VTI1A: variants seen among roughly 807,000 people sequenced by gnomAD.
VTI1A encodes vesicle transport through interaction with t-SNAREs homolog 1A.
In VTI1A, 22 loss-of-function variants were observed where a neutral mutation model predicts 34.9. The observed-to-expected ratio is 0.63, with a 90% CI of 0.45 to 0.90. The LOEUF is 0.90. VTI1A is among the 40% of genes least tolerant of loss of function. VTI1A has a pLI of 0.00. For synonymous variants in VTI1A, 87 were observed against 97.3 expected, an observed-to-expected ratio of 0.89 and a Z score of 0.62; for missense variants, 268 against 275.6, an observed-to-expected ratio of 0.97 and a Z score of 0.20.
chr10:112,688,940 A>T (rs749779980), intron 7 of VTI1A, among the ~76,000 whole-genome samples: 6 of 152,142 alleles, frequency 3.9e-5, no homozygotes, highest in Non-Finnish European at 7.3e-5. Flanking sequence ...AAAGCCCAGC[A>T]GTGTGTGGTT....
At chr10:112,577,354 A>G (rs1414539808) in intron 5 of VTI1A, among the ~76,000 whole-genome samples, 1 of 152,258 alleles carries the variant, frequency 6.6e-6, no homozygotes, top group African/African-American at 2.4e-5. Flanking sequence ...ACATATCCTT[A>G]TCCGCATGAG....
chr10:112,743,013 CGTGTGTGTGTGT>C (rs10612255), intron 7 of VTI1A, among the ~76,000 whole-genome samples: 4,230 of 141,974 alleles, frequency 0.03, 75 homozygotes, highest in Middle Eastern at 0.053. Flanking sequence ...GACCTATTCT[CGTGTGTGTGTGT>C]GTGTGTGTGT....
chr10:112,655,560 T>C (rs1463660380), intron 5 of VTI1A, among the ~76,000 whole-genome samples: 1 of 152,156 alleles, frequency 6.6e-6, no homozygotes, highest in Non-Finnish European at 1.5e-5. Context: ...TGTTTTTTAT[T>C]AGGAAGGGGA....
intron 6 of VTI1A, 111 bp from the exon 7 acceptor site, chr10:112,668,826 G>A (rs1847740747): frequency 8.6e-7 from 1 of 1,162,504 alleles, no homozygotes; most frequent in Non-Finnish European, 1.2e-6. Context: ...TTGTGTATTT[G>A]AACATTTTTA....
intron 1 of VTI1A, among the ~76,000 whole-genome samples, chr10:112,456,082 G>T (rs1320492074): frequency 3.9e-5 from 6 of 152,074 alleles, no homozygotes. Flanking sequence ...GACACGATTT[G>T]TCAAGAGTAG....
chr10:112,481,806 C>T lies in VTI1A; in HGVS notation c.264+17149C>T, dbSNP rs766058756. Among the ~76,000 whole-genome samples the T allele has an allele frequency of 1.4e-4, 21 of 152,082 alleles. 1 individual carries two copies. Among genetic ancestry groups the T allele is most frequent in the African/African-American group, 4.3e-4 (18 of 41,392 alleles). ...TCTGTATTTTCTCTTGGCAGTGAGC[C>T]GAGTGAATTTGGAACAGAAAGAAAG... On this transcript the variant is annotated intron_variant, in intron 3 of 7. Transcript: ENST00000393077.
At chr10:112,662,266 A>G (rs1847488844) in intron 5 of VTI1A, among the ~76,000 whole-genome samples, 1 of 152,104 alleles carries the variant, frequency 6.6e-6, no homozygotes, top group African/African-American at 2.4e-5. Context: ...TGTCTCTAAT[A>G]ATCTCTTTTT....
chr10:112,527,196 G>A, intron 4 of VTI1A, 32 bp downstream of exon 4: 1 of 1,605,964 alleles, frequency 6.2e-7, no homozygotes, highest in Non-Finnish European at 8.5e-7. Flanking sequence ...CCCGGTGGGT[G>A]GCTGGAGGGT....
the VTI1A span, among the ~76,000 whole-genome samples, chr10:112,846,149 T>C: frequency 6.6e-6 from 1 of 152,226 alleles, no homozygotes; most frequent in Non-Finnish European, 1.5e-5. Context: ...AAGCGAGTCA[T>C]CTTCCATCCT....
At chr10:112,787,955 G>A (rs1852345243) in intron 7 of VTI1A, among the ~76,000 whole-genome samples, 1 of 151,640 alleles carries the variant, frequency 6.6e-6, no homozygotes, top group Admixed American at 6.6e-5. Flanking sequence ...ACCTGCCTCG[G>A]CCTCCCAAAG....
At chr10:112,827,299 A>G in the VTI1A span, 1 of 150,972 alleles carries the variant, frequency 6.6e-6, no homozygotes, top group Non-Finnish European at 1.5e-5. Flanking sequence ...TGATGGTGCG[A>G]TTACATTATG....
Position 112,503,781 on chromosome 10 carries a change from T to C in VTI1A, c.265-23306T>C, listed in dbSNP as rs527333968. ...AATAGTGCATTTCTGTTGTAATCTC[T>C]TGGGCATTAGTTACCATTTCTTATT... is the stretch of plus-strand genomic sequence containing the variant. On this transcript the variant is annotated intron_variant, in intron 3 of 7. Coordinates refer to ENST00000393077, the MANE Select transcript of VTI1A (RefSeq NM_145206.4). Among the ~76,000 whole-genome samples, 23 of 152,340 alleles carry C rather than the reference T, an allele frequency of 1.5e-4. No homozygotes were observed. In the South Asian group the frequency reaches 4.8e-3, roughly 32 times the overall value.
rs35608429 is a variant in VTI1A, at chr10:112,492,773, C to CAA, written c.264+28128_264+28129dup. Reference sequence around the variant, plus strand: ...CTGCACTCCAGCCTGGCAACAGTCTCAAAAAAAAAAAAAGCAAAAAAAAAA... The same window carrying CAA: ...CTGCACTCCAGCCTGGCAACAGTCTCAAAAAAAAAAAAAAAGCAAAAAAAAAA... On this transcript the variant is annotated intron_variant, in intron 3 of 7. Coordinates refer to ENST00000393077, the MANE Select transcript of VTI1A (RefSeq NM_145206.4). Among the ~76,000 whole-genome samples, 19 of 106,182 alleles carry CAA rather than the reference C, an allele frequency of 1.8e-4. No individual in the cohort carries two copies. The East Asian group carries it at 3.0e-3, about 17-fold the overall frequency. The allele number at this position is 106,182 out of a possible 152,430, so 69.7% of individuals were successfully genotyped here.
At chr10:112,717,952 G>A (rs901293322) in intron 7 of VTI1A, among the ~76,000 whole-genome samples, 11 of 152,040 alleles carry the variant, frequency 7.2e-5, no homozygotes, top group African/African-American at 2.2e-4. Context: ...TACTCATTAC[G>A]GTGTCGCCCA....
At chr10:112,709,258 A>G (rs1206674592) in intron 7 of VTI1A, among the ~76,000 whole-genome samples, 1 of 152,100 alleles carries the variant, frequency 6.6e-6, no homozygotes, top group Non-Finnish European at 1.5e-5. Flanking sequence ...GCTGACAAAC[A>G]CCTCAGAAAA....
At chr10:112,662,957 T>C (rs998795121) in intron 5 of VTI1A, among the ~76,000 whole-genome samples, 1 of 151,138 alleles carries the variant, frequency 6.6e-6, no homozygotes, top group Non-Finnish European at 1.5e-5. Context: ...ACAAAACATA[T>C]TGTCAATGTT....
chr10:112,529,425 G>A (rs1240029416), intron 4 of VTI1A, among the ~76,000 whole-genome samples: 12 of 152,054 alleles, frequency 7.9e-5, no homozygotes, highest in Non-Finnish European at 1.6e-4. Flanking sequence ...TTCCGCATCA[G>A]CATTCATTCA....
chr10:112,577,378 T>A (rs2134386572), intron 5 of VTI1A, among the ~76,000 whole-genome samples: 1 of 152,304 alleles, frequency 6.6e-6, no homozygotes, highest in Middle Eastern at 3.4e-3. Context: ...GACATACCAG[T>A]CAAGCTTTCC....
At chr10:112,658,708 G>A (rs1336933822) in intron 5 of VTI1A, among the ~76,000 whole-genome samples, 1 of 152,140 alleles carries the variant, frequency 6.6e-6, no homozygotes, top group East Asian at 1.9e-4. Context: ...TGGCAAACTG[G>A]ATAGTACCTG....
Sources: allele counts gnomAD v4.1 joint callset (sites outside exome capture counted in the v4.1 genomes callset), GRCh38; gene constraint gnomAD v4.1.1; transcripts MANE v1.5; gene names NCBI Gene and HGNC (gene_info 2026-07-23, HGNC 2026-07-21).